The following ZNF175 variants were observed in gnomAD, a reference collection of about 807,000 sequenced individuals.
The protein encoded by ZNF175 is zinc finger protein OTK18.
ZNF175 carries 8 observed loss-of-function variants against 14.0 expected under a neutral mutation model. That is an observed-to-expected ratio of 0.57 (90% CI 0.34 to 1.03). The LOEUF is 1.03. ZNF175 is among the 50% of genes least tolerant of loss of function. ZNF175 has a pLI of 0.03. For synonymous variants in ZNF175, 255 were observed against 296.8 expected (o/e 0.86, Z 1.45); for missense variants, 764 against 849.5 (o/e 0.90, Z 1.25).
In ZNF175 at chr19:51,589,593, G is replaced by A. The variant is rs1245804650; in HGVS notation, c.*1126G>A. 5 of 701,866 alleles carry A rather than the reference G, an allele frequency of 7.1e-6. No individual in the cohort carries two copies. The highest frequency in any genetic ancestry group is 1.7e-5 in the African/African-American group (1 of 57,320). The allele number at this position is 701,866 out of a possible 1,614,324, so 43.5% of individuals were successfully genotyped here. A position where few individuals can be genotyped will look rare whatever the true frequency, so the allele number is the denominator to read the frequency against. On this transcript the variant is annotated 3_prime_UTR_variant, in exon 5 of 5. Coordinates refer to ENST00000262259, the MANE Select transcript of ZNF175 (RefSeq NM_007147.4). ...CCTTTCCATCTCCACCATCTATAGT[G>A]AGCCTCTCCATAATTAGTGCCAACC...
At chr19:51,577,820 C>T (rs1259149370) in intron 2 of ZNF175, among the ~76,000 whole-genome samples, 8 of 151,982 alleles carry the variant, frequency 5.3e-5, no homozygotes, top group Non-Finnish European at 7.4e-5. Flanking sequence ...CCCGCCACCA[C>T]ACCAAGCTAA....
At chr19:51,582,702 C>T (rs1600084499) in intron 4 of ZNF175, among the ~76,000 whole-genome samples, 1 of 152,016 alleles carries the variant, frequency 6.6e-6, no homozygotes, top group Non-Finnish European at 1.5e-5. Context: ...ATTTTCTTAC[C>T]GCTTATCTCT....
intron 2 of ZNF175, among the ~76,000 whole-genome samples, chr19:51,578,868 A>G (rs1236307734): frequency 6.6e-6 from 1 of 151,946 alleles, no homozygotes; most frequent in Admixed American, 6.5e-5. Context: ...TGTAATCCCA[A>G]AACTTTGGGA....
intron 2 of ZNF175, among the ~76,000 whole-genome samples, chr19:51,574,963 C>T (rs996236648): frequency 3.3e-4 from 50 of 152,250 alleles, no homozygotes; most frequent in African/African-American, 1.2e-3. Flanking sequence ...GTACCATGCA[C>T]ATTATCTTCT....
intron 2 of ZNF175, 24 bp downstream of exon 2, chr19:51,573,425 T>TAGTTCTCCAGAACGTGAGGGC (rs750378240): frequency 6.8e-6 from 11 of 1,611,668 alleles, no homozygotes; most frequent in Non-Finnish European, 9.3e-6. Flanking sequence ...GCCCTGGGGA[T>TAGTTCTCCAGAACGTGAGGGC]AGTTCTCCAG....
Position 51,589,331 on chromosome 19 carries a change from G to T in ZNF175, c.*864G>T. ...GGTTTGCTGCAGAATTCACTGCATA[G>T]CAGGAGATGTAAGCAGATGAGTTAT... On this transcript the variant is annotated 3_prime_UTR_variant, in exon 5 of 5. Transcript: ENST00000262259. 1.8e-6 allele frequency: 1 copy of T among 566,094 alleles called. No individual in the cohort carries two copies. The highest frequency in any genetic ancestry group is 2.9e-5 in the East Asian group (1 of 34,408). The allele number at this position is 566,094 out of a possible 1,614,324, so 35.1% of individuals were successfully genotyped here. A position where few individuals can be genotyped will look rare whatever the true frequency, so the allele number is the denominator to read the frequency against.
Position 51,581,844 on chromosome 19 carries a change from G to A in ZNF175, c.257G>A (p.Arg86His), listed in dbSNP as rs180788268. Reference protein sequence around the residue: ...IFRMLKEKEPRVEEAEVSHQR... With the variant: ...IFRMLKEKEPHVEEAEVSHQR... ...AGAATGCTAAAAGAAAAGGAGCCGC[G>A]TGTGGAGGAGGCTGAAGTCTCACAT... The change falls in exon 4 of 5, where the codon CGT becomes CAT. Residue 86 changes from arginine to histidine, a missense_variant. Arg to His is a conservative substitution (Grantham distance 29). Transcript: ENST00000262259. The A allele has an allele frequency of 2.6e-5, 42 of 1,613,908 alleles. No homozygotes were observed. Among genetic ancestry groups the A allele is most frequent in the East Asian group, 1.1e-4 (5 of 44,882 alleles).
In ZNF175 at chr19:51,591,737, C is replaced by A. The variant is rs1186468797; in HGVS notation, c.*3270C>A. Reference sequence around the variant, plus strand: ...CTGATGCCAGTGTTTTAACTCTCAACCATTGTACTACTTTACCTCCTCATG... The same window carrying A: ...CTGATGCCAGTGTTTTAACTCTCAAACATTGTACTACTTTACCTCCTCATG... On this transcript the variant is annotated 3_prime_UTR_variant, in exon 5 of 5. Coordinates refer to ENST00000262259, the MANE Select transcript of ZNF175 (RefSeq NM_007147.4). 1 of 151,990 alleles carries A rather than the reference C, an allele frequency of 6.6e-6. No homozygotes were observed. Among genetic ancestry groups the A allele is most frequent in the Non-Finnish European group, 1.5e-5 (1 of 68,006 alleles). The allele number at this position is 151,990 out of a possible 1,614,324, so 9.4% of individuals were successfully genotyped here. A position where few individuals can be genotyped will look rare whatever the true frequency, so the allele number is the denominator to read the frequency against.
At position 51,573,504 on chromosome 19, in the gene ZNF175, G is replaced by A. The variant is rs745523087; in HGVS notation, c.72+103G>A. 1.3e-5 allele frequency: 14 copies of A among 1,107,288 alleles called. No homozygotes were observed. The Middle Eastern group carries it at 8.1e-4, about 64-fold the overall frequency. The allele number at this position is 1,107,288 out of a possible 1,614,324, so 68.6% of individuals were successfully genotyped here. ...CTCCTGAGTCAGTCTTGAGCCTCCT[G>A]TCAAGCGAGGACCACAGAGGCTGAT... On this transcript the variant is annotated intron_variant, in intron 2 of 4. Transcript: ENST00000262259.
intron 2 of ZNF175, 112 bp downstream of exon 2, chr19:51,573,513 G>A: frequency 1.0e-6 from 1 of 961,346 alleles, no homozygotes; most frequent in Non-Finnish European, 1.6e-6. Flanking sequence ...TGTCAAGCGA[G>A]GACCACAGAG....
At chr19:51,572,824 G>A (rs890632118) in intron 1 of ZNF175, among the ~76,000 whole-genome samples, 3 of 151,990 alleles carry the variant, frequency 2.0e-5, no homozygotes, top group Non-Finnish European at 4.4e-5. Flanking sequence ...TATTTATCAC[G>A]TGCCAGGCAG....
At chr19:51,573,615 C>T (rs1330278135) in intron 2 of ZNF175, 1 of 543,564 alleles carries the variant, frequency 1.8e-6, no homozygotes, top group African/African-American at 2.0e-5. Context: ...GGCCTTGGGT[C>T]AAGAAAGAAG....
At position 51,587,461 on chromosome 19, in the gene ZNF175, C is replaced by G. The variant is rs146177502; in HGVS notation, c.1130C>G (p.Ser377Cys). The G allele has an allele frequency of 8.7e-6, 14 of 1,614,114 alleles. No individual in the cohort carries two copies. Among genetic ancestry groups the G allele is most frequent in the Non-Finnish European group, 1.2e-5 (14 of 1,180,046 alleles). Residue 377 changes from serine (S) to cysteine (C), a missense_variant, in exon 5 of 5, where the codon TCT (serine) becomes TGT (cysteine). Transcript: ENST00000262259. ...DCGKAFFQML[S>C]LFRHQRTHSR... ...GGAAAAGCCTTTTTCCAGATGTTAT[C>G]TCTCTTCAGACATCAGAGAACTCAC...
At chr19:51,572,575 G>C (rs543938298) in intron 1 of ZNF175, among the ~76,000 whole-genome samples, 8 of 152,312 alleles carry the variant, frequency 5.3e-5, no homozygotes, top group Non-Finnish European at 1.0e-4. Context: ...AACAGAAAGA[G>C]GAAATGGTGT....
chr19:51,575,220 T>TG lies in ZNF175; in HGVS notation c.72+1819_72+1820insG, dbSNP rs561127094. The stretch of plus-strand genomic sequence containing the variant: ...GGATTTTTAGAGAGGTTTTTTTTTT[T>TG]TTTTTTTTTTTTTTGAGACGGAGTC... On this transcript the variant is annotated intron_variant, in intron 2 of 4. Coordinates refer to ENST00000262259, the MANE Select transcript of ZNF175 (RefSeq NM_007147.4). Among the ~76,000 whole-genome samples the TG allele has an allele frequency of 9.6e-3, 1,315 of 137,090 alleles. 22 individuals are homozygous for TG. The highest frequency in any genetic ancestry group is 0.025 in the Middle Eastern group (7 of 280). The allele number at this position is 137,090 out of a possible 152,430, so 89.9% of individuals were successfully genotyped here. A position where few individuals can be genotyped will look rare whatever the true frequency, so the allele number is the denominator to read the frequency against.
At chr19:51,581,326 A>G (rs914701409) in intron 2 of ZNF175, 65 bp from the exon 3 acceptor site, 99 of 1,612,518 alleles carry the variant, frequency 6.1e-5, no homozygotes, top group Middle Eastern at 1.7e-4. Flanking sequence ...TGTTCCTCCT[A>G]TATGTGCCAT....
chr19:51,574,621 A>G (rs1268516962), intron 2 of ZNF175, among the ~76,000 whole-genome samples: 1 of 152,200 alleles, frequency 6.6e-6, no homozygotes, highest in South Asian at 2.1e-4. Flanking sequence ...GTGAGCTGCA[A>G]TCATGACACT....
At chr19:51,582,826 C>T (rs1427179381) in intron 4 of ZNF175, among the ~76,000 whole-genome samples, 1 of 152,000 alleles carries the variant, frequency 6.6e-6, no homozygotes, top group Non-Finnish European at 1.5e-5. Flanking sequence ...TGTGGCACCT[C>T]TAGCTTGGGG....
At chr19:51,583,193 C>T (rs1228378756) in intron 4 of ZNF175, among the ~76,000 whole-genome samples, 1 of 152,184 alleles carries the variant, frequency 6.6e-6, no homozygotes, top group Non-Finnish European at 1.5e-5. Flanking sequence ...TTAAAGGACC[C>T]ATCCATTCTG....
Sources: gnomAD v4.1 joint callset for allele counts (sites outside exome capture counted in the v4.1 genomes callset) on GRCh38, gnomAD v4.1.1 for gene constraint, MANE v1.5 for transcripts, NCBI Gene and HGNC (gene_info 2026-07-23, HGNC 2026-07-21) for gene names.